The following CYP7B1 variants were observed in gnomAD, a reference collection of about 807,000 sequenced individuals.
CYP7B1 encodes cytochrome P450 7B1.
CYP7B1 carries 29 observed loss-of-function variants against 42.7 expected under a neutral mutation model. The observed-to-expected ratio is 0.68, with a 90% CI of 0.51 to 0.93. The LOEUF is 0.93. Among genes scored for constraint, CYP7B1 ranks in the 40% least tolerant of loss-of-function variants. The pLI is 0.00. For synonymous variants in CYP7B1, 235 were observed against 218.2 expected (o/e 1.08, Z -0.68); for missense variants, 655 against 600.5 (o/e 1.09, Z -0.95).
chr8:64,661,555 T>C (rs1242352759), intron 1 of CYP7B1, among the ~76,000 whole-genome samples: 1 of 152,366 alleles, frequency 6.6e-6, no homozygotes, highest in Non-Finnish European at 1.5e-5. Flanking sequence ...ATTGCTTAGG[T>C]TGATTTCTGT....
chr8:64,785,490 T>C (rs1428024616), intron 1 of CYP7B1, among the ~76,000 whole-genome samples: 1 of 152,176 alleles, frequency 6.6e-6, no homozygotes, highest in Non-Finnish European at 1.5e-5. Context: ...GAACAAACTG[T>C]GGTACATCTA....
chr8:64,633,845 T>C (rs187274942), intron 1 of CYP7B1, among the ~76,000 whole-genome samples: 1 of 152,332 alleles, frequency 6.6e-6, no homozygotes, highest in East Asian at 1.9e-4. Context: ...TACCTGATGT[T>C]AAGACTTAAT....
At chr8:64,746,740 T>C (rs1456767797) in intron 1 of CYP7B1, among the ~76,000 whole-genome samples, 3 of 152,150 alleles carry the variant, frequency 2.0e-5, no homozygotes, top group South Asian at 2.1e-4. Context: ...ATTTAAAATT[T>C]TGGAAGATAA....
chr8:64,734,890 C>G (rs1807464748), intron 1 of CYP7B1, among the ~76,000 whole-genome samples: 1 of 152,130 alleles, frequency 6.6e-6, no homozygotes, highest in Non-Finnish European at 1.5e-5. Flanking sequence ...ACTATTATAA[C>G]TCATTTGGTT....
chr8:64,639,449 G>A (rs568995394), intron 1 of CYP7B1, among the ~76,000 whole-genome samples: 1 of 151,928 alleles, frequency 6.6e-6, no homozygotes, highest in African/African-American at 2.4e-5. Context: ...TTAAAAAATG[G>A]GCAAGAGGTT....
intron 1 of CYP7B1, among the ~76,000 whole-genome samples, chr8:64,719,309 T>C (rs1807203611): frequency 6.6e-6 from 1 of 152,174 alleles, no homozygotes; most frequent in Admixed American, 6.5e-5. Context: ...AAGCAAAACA[T>C]ACATGACCTC....
At chr8:64,778,378 A>T (rs1280616624) in intron 1 of CYP7B1, among the ~76,000 whole-genome samples, 2 of 151,956 alleles carry the variant, frequency 1.3e-5, no homozygotes, top group African/African-American at 4.8e-5. Context: ...GCCCATGTGA[A>T]AAAGGTCATT....
chr8:64,680,565 C>T (rs1196814723), intron 1 of CYP7B1, among the ~76,000 whole-genome samples: 5 of 139,644 alleles, frequency 3.6e-5, no homozygotes, highest in African/African-American at 5.7e-5. Context: ...TCTAAGAATT[C>T]ACAAAAAAAA....
chr8:64,690,253 A>C (rs549175214), intron 1 of CYP7B1, among the ~76,000 whole-genome samples: 1 of 152,162 alleles, frequency 6.6e-6, no homozygotes, highest in Non-Finnish European at 1.5e-5. Context: ...AATTACAAAA[A>C]TTAATCTGGC....
chr8:64,604,478 T>C (rs990529139), intron 5 of CYP7B1, among the ~76,000 whole-genome samples: 3 of 152,346 alleles, frequency 2.0e-5, no homozygotes, highest in Admixed American at 2.0e-4. Flanking sequence ...TATTTCTCTT[T>C]ATAGATCATG....
intron 1 of CYP7B1, among the ~76,000 whole-genome samples, chr8:64,788,251 G>A (rs992991996): frequency 1.3e-5 from 2 of 152,224 alleles, no homozygotes; most frequent in African/African-American, 4.8e-5. Flanking sequence ...GGTGTTAATA[G>A]TAAGGGAATT....
intron 1 of CYP7B1, among the ~76,000 whole-genome samples, chr8:64,718,607 C>G (rs1807191878): frequency 6.6e-6 from 1 of 152,186 alleles, no homozygotes; most frequent in African/African-American, 2.4e-5. Flanking sequence ...GTCTATCCCC[C>G]AAAAGCCAAA....
chr8:64,708,539 G>A (rs1355656188), intron 1 of CYP7B1, among the ~76,000 whole-genome samples: 1 of 152,086 alleles, frequency 6.6e-6, no homozygotes, highest in East Asian at 1.9e-4. Flanking sequence ...GTGAACCTAG[G>A]CGTTTCAGTT....
chr8:64,636,504 A>G (rs1202977363), intron 1 of CYP7B1, among the ~76,000 whole-genome samples: 2 of 152,202 alleles, frequency 1.3e-5, no homozygotes, highest in Non-Finnish European at 2.9e-5. Context: ...CATCTAAAAT[A>G]CAAATCTAAT....
At chr8:64,631,668 A>G (rs766741730) in intron 1 of CYP7B1, among the ~76,000 whole-genome samples, 3 of 152,340 alleles carry the variant, frequency 2.0e-5, no homozygotes, top group Middle Eastern at 3.4e-3. Flanking sequence ...TGAACCACAT[A>G]TTTGATAAAA....
At chr8:64,755,031 A>C (rs762924077) in intron 1 of CYP7B1, among the ~76,000 whole-genome samples, 1 of 152,172 alleles carries the variant, frequency 6.6e-6, no homozygotes, top group African/African-American at 2.4e-5. Context: ...ACTTTGGGGA[A>C]TGGAGAGTCA....
At chr8:64,652,825 C>G (rs2129631240) in intron 1 of CYP7B1, among the ~76,000 whole-genome samples, 1 of 152,224 alleles carries the variant, frequency 6.6e-6, no homozygotes, top group Middle Eastern at 3.4e-3. Flanking sequence ...GCCTGGGCGA[C>G]AGAGAGATAC....
chr8:64,773,572 A>C (rs929071785), intron 1 of CYP7B1, among the ~76,000 whole-genome samples: 5 of 152,264 alleles, frequency 3.3e-5, no homozygotes, highest in African/African-American at 9.6e-5. Flanking sequence ...TTATTCTGTT[A>C]GCCCCAAACC....
intron 1 of CYP7B1, among the ~76,000 whole-genome samples, chr8:64,772,249 T>C (rs558126986): frequency 6.6e-6 from 1 of 152,346 alleles, no homozygotes; most frequent in South Asian, 2.1e-4. Context: ...GCTTGGCATA[T>C]ATTCATCCAT....
Sources: gnomAD v4.1 joint callset for allele counts (sites outside exome capture counted in the v4.1 genomes callset) on GRCh38, gnomAD v4.1.1 for gene constraint, MANE v1.5 for transcripts, NCBI Gene and HGNC (gene_info 2026-07-23, HGNC 2026-07-21) for gene names.